KAZN: variants seen among roughly 807,000 people sequenced by gnomAD.
KAZN encodes the protein kazrin.
Under a neutral mutation model 87.4 loss-of-function variants are expected in KAZN, and 40 were observed. The observed-to-expected ratio is 0.46, with a 90% CI of 0.36 to 0.60. The LOEUF is 0.60. KAZN is among the 20% of genes least tolerant of loss of function. KAZN has a pLI of 0.00. For missense variants in KAZN, 898 were observed against 1,073.9 expected (o/e 0.84, Z 2.29); for synonymous variants, 466 against 458.3 (o/e 1.02, Z -0.22).
chr1:14,350,474 T>C (rs1658454867), intron 2 of KAZN, among the ~76,000 whole-genome samples: 1 of 152,172 alleles, frequency 6.6e-6, no homozygotes, highest in Admixed American at 6.5e-5. Context: ...GTAGTTACCA[T>C]GGAAGGGAGT....
intron 2 of KAZN, among the ~76,000 whole-genome samples, chr1:14,568,555 T>C (rs942233334): frequency 6.6e-6 from 1 of 152,150 alleles, no homozygotes; most frequent in African/African-American, 2.4e-5. Flanking sequence ...TCGTGAGACT[T>C]ATTCACTATC....
Position 14,980,836 on chromosome 1 carries a change from T to C in KAZN, c.418+19961T>C, listed in dbSNP as rs547717405. Among the ~76,000 whole-genome samples the C allele has an allele frequency of 4.0e-5, 6 of 151,660 alleles. No individual in the cohort carries two copies. In the East Asian group the frequency reaches 1.2e-3, roughly 29 times the overall value. ...ACACCAAAGGAACAATGCTTTCAGATCGAGGCCTCAGGAGGAAAAATGAGG... is the reference window on the plus strand; with the variant it reads ...ACACCAAAGGAACAATGCTTTCAGACCGAGGCCTCAGGAGGAAAAATGAGG... On this transcript the variant is annotated intron_variant, in intron 2 of 14. Transcript: ENST00000376030.
chr1:14,691,665 T>A (rs1344982648), intron 1 of KAZN, among the ~76,000 whole-genome samples: 1 of 152,172 alleles, frequency 6.6e-6, no homozygotes, highest in African/African-American at 2.4e-5. Context: ...TTTTATATTT[T>A]TAGTAGATAC....
In KAZN at chr1:15,066,295, C is replaced by A. The variant is rs1172895520; in HGVS notation, c.1222+542C>A. 2.0e-6 allele frequency: 2 copies of A among 985,786 alleles called. No individual in the cohort carries two copies. Among genetic ancestry groups the A allele is most frequent in the African/African-American group, 3.5e-5 (2 of 57,238 alleles). 61.1% of individuals were successfully genotyped at this position (985,786 alleles called of 1,614,324 possible). ...CTCGTCCAAACCGCTACTCCTGGAG[C>A]CCGTCTGGCAGAGGATGTGGTCTGT... On this transcript the variant is annotated intron_variant, in intron 8 of 14. Coordinates refer to ENST00000376030, the MANE Select transcript of KAZN (RefSeq NM_201628.3). This position sits in a 1 kb window ranked among gnomAD's most constrained non-coding sequence, Gnocchi z 4.3.
chr1:14,715,498 A>G (rs1047301987), intron 1 of KAZN, among the ~76,000 whole-genome samples: 3 of 152,196 alleles, frequency 2.0e-5, no homozygotes, highest in African/African-American at 7.2e-5. Flanking sequence ...CAGCGCACAC[A>G]TCATCCTCAG....
chr1:14,257,130 G>A (rs12402327), intron 2 of KAZN, among the ~76,000 whole-genome samples: 27,946 of 152,050 alleles, frequency 0.18, 2,925 homozygotes, highest in Middle Eastern at 0.31. Context: ...TGGATGTAGT[G>A]TATGTCCTTA....
At chr1:14,047,216 G>A (rs1479688619) in intron 1 of KAZN, among the ~76,000 whole-genome samples, 4 of 152,180 alleles carry the variant, frequency 2.6e-5, no homozygotes, top group Non-Finnish European at 5.9e-5. Context: ...TGGGAAGGGT[G>A]TCCACACCCC....
intron 2 of KAZN, among the ~76,000 whole-genome samples, chr1:14,509,759 C>T (rs1303432250): frequency 1.3e-5 from 2 of 152,118 alleles, no homozygotes; most frequent in African/African-American, 4.8e-5. Context: ...AATAAATACA[C>T]ACTCATCTTA....
intron 1 of KAZN, among the ~76,000 whole-genome samples, chr1:14,091,349 C>T (rs534936767): frequency 2.6e-5 from 4 of 152,072 alleles, no homozygotes; most frequent in African/African-American, 9.7e-5. Flanking sequence ...TTTGTTCCTT[C>T]TCCTCTTCTC....
At chr1:14,396,965 A>T (rs1453327311) in intron 2 of KAZN, among the ~76,000 whole-genome samples, 2 of 151,998 alleles carry the variant, frequency 1.3e-5, no homozygotes, top group Non-Finnish European at 2.9e-5. Flanking sequence ...TAGAAAGTTT[A>T]TGTCTCCATC....
intron 1 of KAZN, among the ~76,000 whole-genome samples, chr1:14,630,890 G>T (rs568959845): frequency 2.0e-5 from 3 of 152,272 alleles, no homozygotes; most frequent in African/African-American, 7.2e-5. Context: ...TTGAAGGGTT[G>T]TTGCAAAGAT....
intron 2 of KAZN, among the ~76,000 whole-genome samples, chr1:14,989,975 C>CT (rs923403715): frequency 6.6e-6 from 1 of 152,170 alleles, no homozygotes; most frequent in African/African-American, 2.4e-5. Flanking sequence ...TGTGCACACT[C>CT]TGTCTTGTTT....
intron 1 of KAZN, among the ~76,000 whole-genome samples, chr1:14,829,932 AG>A (rs980160842): frequency 6.6e-6 from 1 of 152,224 alleles, no homozygotes; most frequent in Non-Finnish European, 1.5e-5. Context: ...AGCAGGTAAA[AG>A]CAGCACTAGC....
chr1:14,133,368 A>C (rs1442783057), intron 1 of KAZN, among the ~76,000 whole-genome samples: 1 of 70,898 alleles, frequency 1.4e-5, no homozygotes. Context: ...TCCCTCTCAA[A>C]AAAAAAAAAA....
chr1:14,616,902 CT>C (rs1678295888), intron 1 of KAZN, among the ~76,000 whole-genome samples: 1 of 152,210 alleles, frequency 6.6e-6, no homozygotes, highest in African/African-American at 2.4e-5. Flanking sequence ...TCGCTATTAA[CT>C]CCAGCCAGCT....
intron 1 of KAZN, among the ~76,000 whole-genome samples, chr1:13,931,447 G>GT (rs139587494): frequency 2.0e-5 from 3 of 149,738 alleles, no homozygotes; most frequent in African/African-American, 4.9e-5. Flanking sequence ...CAGCCAGAGG[G>GT]GTGTGTGTGT....
At chr1:14,709,817 C>G (rs563318430) in intron 1 of KAZN, among the ~76,000 whole-genome samples, 2 of 152,190 alleles carry the variant, frequency 1.3e-5, no homozygotes, top group East Asian at 3.9e-4. Flanking sequence ...TCACCAGGTG[C>G]CTTTTCTTAT....
At chr1:14,064,387 T>G (rs1328342309) in intron 1 of KAZN, among the ~76,000 whole-genome samples, 1 of 152,172 alleles carries the variant, frequency 6.6e-6, no homozygotes, top group Non-Finnish European at 1.5e-5. Context: ...TCAACCGGTG[T>G]CTACCTTAAC....
At chr1:14,045,680 G>C (rs1553120352) in intron 1 of KAZN, among the ~76,000 whole-genome samples, 1 of 152,170 alleles carries the variant, frequency 6.6e-6, no homozygotes, top group Non-Finnish European at 1.5e-5. Flanking sequence ...TTACTTCCTA[G>C]TTTGCATTTC....
Sources: gnomAD v4.1 joint callset for allele counts (sites outside exome capture counted in the v4.1 genomes callset) on GRCh38, gnomAD v4.1.1 for gene constraint, Gnocchi (gnomAD v3.1) non-coding constraint, MANE v1.5 for transcripts, NCBI Gene and HGNC (gene_info 2026-07-23, HGNC 2026-07-21) for gene names.